ACSL6: variants seen among roughly 807,000 people sequenced by gnomAD.
ACSL6 encodes long-chain-fatty-acid--CoA ligase 6.
ACSL6 carries 47 observed loss-of-function variants against 98.2 expected under a neutral mutation model. The observed-to-expected ratio is 0.48, with a 90% CI of 0.38 to 0.61. The LOEUF (loss-of-function observed/expected upper bound fraction) is 0.61. ACSL6 is among the 20% of genes least tolerant of loss of function. The probability of loss-of-function intolerance (pLI) is 0.00; values close to 1 mark genes in which losing one functional copy is unlikely to be tolerated. For missense variants in ACSL6, 761 were observed against 913.4 expected (o/e 0.83, Z 2.15); for synonymous variants, 362 against 336.9 (o/e 1.07, Z -0.82).
In ACSL6 at chr5:131,988,851, G is replaced by A; in HGVS notation, c.606C>T (p.Leu202=). ...CYTYSMVVVP[L]YDTLGPGAIR... ...TAGCCCCAGGGCCCAGGGTGTCATA[G>A]AGCGGGACCACCACCATGGAATATG... Residue 202 remains leucine (L), a synonymous_variant, in exon 6 of 21, where the codon CTC becomes CTT. Coordinates refer to ENST00000651883, the MANE Select transcript of ACSL6 (RefSeq NM_001009185.3). 6.2e-7 allele frequency: 1 copy of A among 1,613,934 alleles called. No individual in the cohort carries two copies. Among genetic ancestry groups the A allele is most frequent in the Non-Finnish European group, 8.5e-7 (1 of 1,179,970 alleles).
At chr5:132,012,203 G>A, upstream of ACSL6, 1 of 426,196 alleles carries the variant, frequency 2.3e-6, no homozygotes, top group South Asian at 5.6e-5. Context: ...AAACCAGTGA[G>A]GGGAGGGAGT....
intron 1 of ACSL6, among the ~76,000 whole-genome samples, chr5:132,003,286 G>A (rs1398666778): frequency 3.3e-5 from 5 of 152,346 alleles, no homozygotes; most frequent in Admixed American, 3.3e-4. Flanking sequence ...TCCCCCCTCT[G>A]GAGGTCAGGC....
intron 1 of ACSL6, among the ~76,000 whole-genome samples, chr5:132,007,513 G>A (rs1755480184): frequency 6.6e-6 from 1 of 152,220 alleles, no homozygotes; most frequent in Admixed American, 6.5e-5. Context: ...TGGACTGAAA[G>A]TCTGAGAATG....
rs1752211049 is a variant in ACSL6, at chr5:131,952,650, C to G, written c.*1584G>C. 1 of 213,652 alleles carries G rather than the reference C, an allele frequency of 4.7e-6. No homozygotes were observed. Among genetic ancestry groups the G allele is most frequent in the Non-Finnish European group, 9.4e-6 (1 of 105,924 alleles). The allele number at this position is 213,652 out of a possible 1,614,324, so 13.2% of individuals were successfully genotyped here. On this transcript the variant is annotated 3_prime_UTR_variant, in exon 21 of 21. Coordinates refer to ENST00000651883, the MANE Select transcript of ACSL6 (RefSeq NM_001009185.3). Reference sequence around the variant, plus strand: ...CCTTTTTCAGAGGCACAATCTATAGCTTGGAACTTAATTGCTGTCCATGGT... The same window carrying G: ...CCTTTTTCAGAGGCACAATCTATAGGTTGGAACTTAATTGCTGTCCATGGT...
chr5:131,975,719 C>T, intron 10 of ACSL6: 2 of 985,444 alleles, frequency 2.0e-6, no homozygotes, highest in Non-Finnish European at 2.4e-6. Flanking sequence ...GGGACAGGGG[C>T]TACTCCAGCC....
intron 15 of ACSL6, among the ~76,000 whole-genome samples, chr5:131,968,741 G>A (rs1231112671): frequency 6.6e-6 from 1 of 152,184 alleles, no homozygotes; most frequent in Admixed American, 6.5e-5. Context: ...AGTTGGAGGA[G>A]TTTTAAGCAG....
chr5:132,004,379 A>T (rs904406127), intron 1 of ACSL6, among the ~76,000 whole-genome samples: 21 of 152,170 alleles, frequency 1.4e-4, no homozygotes, highest in African/African-American at 4.8e-4. Flanking sequence ...GCACAGCAAG[A>T]TCTCAAGCAC....
chr5:131,986,733 G>C, intron 8 of ACSL6, 89 bp downstream of exon 8: 2 of 1,477,898 alleles, frequency 1.4e-6, no homozygotes, highest in Middle Eastern at 3.5e-4. Flanking sequence ...TAACACAGAG[G>C]TGCTGTTCTG....
chr5:131,981,201 G>A (rs1753869191), intron 9 of ACSL6, among the ~76,000 whole-genome samples: 1 of 151,590 alleles, frequency 6.6e-6, no homozygotes, highest in Non-Finnish European at 1.5e-5. Flanking sequence ...GTCTCCAGTG[G>A]CCCCTTCTCA....
chr5:131,961,779 C>A (rs1752724131), intron 18 of ACSL6, among the ~76,000 whole-genome samples: 1 of 152,038 alleles, frequency 6.6e-6, no homozygotes, highest in African/African-American at 2.4e-5. Flanking sequence ...TATAAAACTC[C>A]TCCAAATAAC....
chr5:131,989,583 CTTTTTTTTTT>C (rs57391438), intron 4 of ACSL6, 75 bp from the exon 5 acceptor site: 113 of 180,540 alleles, frequency 6.3e-4, no homozygotes, highest in South Asian at 9.1e-4. Flanking sequence ...AGGAGGAATT[CTTTTTTTTTT>C]TTTTTTTTTT....
At chr5:131,954,488 C>T (rs1242127729) in intron 20 of ACSL6, 117 bp from the exon 21 acceptor site, 1 of 1,088,948 alleles carries the variant, frequency 9.2e-7, no homozygotes, top group Non-Finnish European at 1.2e-6. Flanking sequence ...AGACATTATG[C>T]TAAGTCAAAA....
intron 5 of ACSL6, 106 bp from the exon 6 acceptor site, chr5:131,989,010 G>T: frequency 1.0e-6 from 1 of 976,966 alleles, no homozygotes; most frequent in Non-Finnish European, 1.6e-6. Flanking sequence ...CTATGCCTGT[G>T]GCAAGGAATC....
chr5:131,970,279 C>T, intron 14 of ACSL6, 79 bp from the exon 15 acceptor site: 2 of 1,323,022 alleles, frequency 1.5e-6, no homozygotes, highest in Non-Finnish European at 2.2e-6. Context: ...AGACAGCTAA[C>T]CTCCCACTGA....
intron 14 of ACSL6, among the ~76,000 whole-genome samples, chr5:131,970,541 C>A (rs1271636978): frequency 1.3e-5 from 2 of 151,980 alleles, no homozygotes; most frequent in African/African-American, 4.8e-5. Flanking sequence ...TCCCGAGTAG[C>A]TGGGACTACA....
chr5:131,962,684 G>C lies in ACSL6; in HGVS notation c.1714-6C>G, dbSNP rs1481445994. The C allele has an allele frequency of 6.2e-7, 1 of 1,613,784 alleles. No homozygotes were observed. Among genetic ancestry groups the C allele is most frequent in the Non-Finnish European group, 8.5e-7 (1 of 1,179,836 alleles). ...ATAATTTTAAGAGTTCCTGCCTGTA[G>C]AGTTGGACAAACAGCTTTATAAGAA... On this transcript the variant is annotated splice_polypyrimidine_tract_variant and splice_region_variant and intron_variant, in intron 17 of 20. Transcript: ENST00000651883.
chr5:131,977,154 C>T (rs1753664469), intron 9 of ACSL6, among the ~76,000 whole-genome samples: 1 of 152,242 alleles, frequency 6.6e-6, no homozygotes, highest in Admixed American at 6.5e-5. Flanking sequence ...CAAAGGACTT[C>T]TCTGCTGCAT....
At chr5:131,990,316 A>C (rs1475455892) in intron 3 of ACSL6, 152 bp from the exon 4 acceptor site, 1 of 719,512 alleles carries the variant, frequency 1.4e-6, no homozygotes, top group Non-Finnish European at 2.4e-6. Flanking sequence ...CTACCTGTCT[A>C]ATCTGCTGAA....
chr5:131,994,243 G>C lies in ACSL6; in HGVS notation c.58C>G (p.Leu20Val). 1 of 1,609,710 alleles carries C rather than the reference G, an allele frequency of 6.2e-7. No individual in the cohort carries two copies. The highest frequency in any genetic ancestry group is 2.2e-5 in the East Asian group (1 of 44,700). ...GTCTGCATCTTCTCCAGAAGTGAGA[G>C]GACAAACTCTGTTGAAAACAAGAGT... ...GSLWLFVEFV[L>V]SLLEKMQTQE... The change falls in exon 2 of 21, where the codon CTC (leucine) becomes GTC (valine). Residue 20 changes from leucine (L) to valine (V), a missense_variant. Leu to Val is a conservative substitution (Grantham distance 32). Transcript: ENST00000651883.
Sources: gnomAD v4.1 joint callset for allele counts (sites outside exome capture counted in the v4.1 genomes callset) on GRCh38, gnomAD v4.1.1 for gene constraint, MANE v1.5 for transcripts, NCBI Gene and HGNC (gene_info 2026-07-23, HGNC 2026-07-21) for gene names.